The following PTPRD variants were observed in gnomAD, a reference collection of about 807,000 sequenced individuals.
The protein encoded by PTPRD is protein tyrosine phosphatase receptor type D, also known as receptor-type tyrosine-protein phosphatase delta.
PTPRD carries 34 observed loss-of-function variants against 214.5 expected under a neutral mutation model. That is an observed-to-expected ratio of 0.16 (90% confidence interval 0.12 to 0.21). The LOEUF (loss-of-function observed/expected upper bound fraction) is 0.21, where lower values mean the gene tolerates loss of function less well. PTPRD is among the 10% of genes least tolerant of loss of function. The pLI is 1.00. For missense variants in PTPRD, 2,545 were observed against 2,398.7 expected (o/e 1.06, Z -1.27); for synonymous variants, 1,128 against 845.7 (o/e 1.33, Z -5.79).
chr9:10,514,662 G>T (rs549521789), intron 2 of PTPRD, among the ~76,000 whole-genome samples: 27 of 151,020 alleles, frequency 1.8e-4, no homozygotes, highest in Admixed American at 3.3e-4. Context: ...TTTTCCTCTT[G>T]AGAATTTAAA....
chr9:8,760,631 G>C lies in PTPRD; in HGVS notation c.-103-26685C>G, dbSNP rs533247831. Among the ~76,000 whole-genome samples the C allele has an allele frequency of 1.8e-3, 267 of 150,228 alleles. 1 individual carries two copies. Among genetic ancestry groups the C allele is most frequent in the African/African-American group, 6.2e-3 (250 of 40,448 alleles). ...GTGTGTGTGTGTGTGTGTGTGTGGC[G>C]GTGGGGGGATGTATGCATGTTTTAT... is the stretch of plus-strand genomic sequence containing the variant. On this transcript the variant is annotated intron_variant, in intron 11 of 45. Coordinates refer to ENST00000381196, the MANE Select transcript of PTPRD (RefSeq NM_002839.4).
intron 4 of PTPRD, among the ~76,000 whole-genome samples, chr9:9,948,082 A>G (rs1204969703): frequency 6.6e-6 from 1 of 152,032 alleles, no homozygotes; most frequent in East Asian, 1.9e-4. Context: ...AGCTCAGAAC[A>G]TGAAGAGTAG....
intron 2 of PTPRD, among the ~76,000 whole-genome samples, chr9:10,521,140 C>A (rs1172843424): frequency 1.3e-5 from 2 of 151,828 alleles, no homozygotes; most frequent in East Asian, 3.9e-4. Flanking sequence ...TTCTAGATGC[C>A]ATTAAGAACA....
intron 9 of PTPRD, among the ~76,000 whole-genome samples, chr9:9,373,847 T>C (rs2060138593): frequency 6.6e-6 from 1 of 152,180 alleles, no homozygotes; most frequent in Admixed American, 6.6e-5. Flanking sequence ...CAGTGCTCTT[T>C]TACATTTTAT....
rs555772515 is a variant in PTPRD, at chr9:10,365,174, A to T, written c.-599-24157T>A. ...ACTTTCTCATGGCTCCCAGTTCTCCAATTATTCTTTGATACTCTCCTCAGA... is the reference window on the plus strand; with the variant it reads ...ACTTTCTCATGGCTCCCAGTTCTCCTATTATTCTTTGATACTCTCCTCAGA... On this transcript the variant is annotated intron_variant, in intron 2 of 45. Transcript: ENST00000381196. Among the ~76,000 whole-genome samples the T allele has an allele frequency of 2.6e-5, 4 of 152,216 alleles. No individual in the cohort carries two copies. The South Asian group carries it at 8.3e-4, about 32-fold the overall frequency.
intron 39 of PTPRD, among the ~76,000 whole-genome samples, chr9:8,363,170 A>C (rs894581206): frequency 1.3e-5 from 2 of 152,212 alleles, no homozygotes; most frequent in Admixed American, 1.3e-4. Context: ...GAGGCTTACC[A>C]TTGTGACCAT....
chr9:9,403,446 A>G (rs1425012130), intron 8 of PTPRD, among the ~76,000 whole-genome samples: 1 of 121,012 alleles, frequency 8.3e-6, no homozygotes, highest in Non-Finnish European at 1.8e-5. Flanking sequence ...CAGGAAGCAA[A>G]TCATATCCGA....
In PTPRD at chr9:9,700,182, T is replaced by A. The variant is rs578053806; in HGVS notation, c.-287+34351A>T. Among the ~76,000 whole-genome samples, 7 of 152,260 alleles carry A rather than the reference T, an allele frequency of 4.6e-5. No homozygotes were observed. The East Asian group carries it at 1.2e-3, about 25-fold the overall frequency. ...ATATATATTATGTGAATATCATCATTTTGTTGTAGTACTGCCCTTCGGAAA... is the reference window on the plus strand; with the variant it reads ...ATATATATTATGTGAATATCATCATATTGTTGTAGTACTGCCCTTCGGAAA... On this transcript the variant is annotated intron_variant, in intron 7 of 45. Coordinates refer to ENST00000381196, the MANE Select transcript of PTPRD (RefSeq NM_002839.4).
intron 2 of PTPRD, among the ~76,000 whole-genome samples, chr9:10,360,060 G>A (rs2097348761): frequency 6.6e-6 from 1 of 152,134 alleles, no homozygotes; most frequent in Admixed American, 6.5e-5. Flanking sequence ...CTTTTATTAA[G>A]AGAAATTGCA....
intron 8 of PTPRD, among the ~76,000 whole-genome samples, chr9:9,465,508 T>A (rs570107109): frequency 1.3e-5 from 2 of 152,262 alleles, no homozygotes; most frequent in South Asian, 2.1e-4. Flanking sequence ...GAGAGCAATA[T>A]AAATTTAAGT....
intron 2 of PTPRD, among the ~76,000 whole-genome samples, chr9:10,349,451 T>C (rs1261545740): frequency 6.6e-6 from 1 of 152,180 alleles, no homozygotes; most frequent in African/African-American, 2.4e-5. Context: ...CCATCTGTCA[T>C]ACCTAAATAA....
intron 7 of PTPRD, among the ~76,000 whole-genome samples, chr9:9,609,920 G>A (rs2094428160): frequency 6.6e-6 from 1 of 152,148 alleles, no homozygotes; most frequent in African/African-American, 2.4e-5. Context: ...GAACATTTAG[G>A]CTAATACTCC....
At chr9:9,237,318 A>G (rs1424344026) in intron 9 of PTPRD, among the ~76,000 whole-genome samples, 1 of 152,110 alleles carries the variant, frequency 6.6e-6, no homozygotes, top group Non-Finnish European at 1.5e-5. Context: ...TAATCCCAGT[A>G]CTTTGGGAGG....
intron 9 of PTPRD, among the ~76,000 whole-genome samples, chr9:9,230,395 C>T (rs1359590837): frequency 6.6e-6 from 1 of 152,110 alleles, no homozygotes; most frequent in Admixed American, 6.6e-5. Flanking sequence ...TCTCTTCCAT[C>T]TGGCTGTTCC....
intron 11 of PTPRD, among the ~76,000 whole-genome samples, chr9:8,768,496 T>A (rs528849650): frequency 1.8e-4 from 28 of 152,126 alleles, no homozygotes; most frequent in Admixed American, 1.8e-3. Flanking sequence ...GAGGCTGCAG[T>A]GAGCACAGAT....
chr9:9,626,159 G>T (rs1310282679), intron 7 of PTPRD, among the ~76,000 whole-genome samples: 2 of 152,156 alleles, frequency 1.3e-5, no homozygotes, highest in African/African-American at 2.4e-5. Flanking sequence ...TATCCAGGAA[G>T]TTTTCTTGCT....
At chr9:8,600,863 T>C (rs535402146) in intron 14 of PTPRD, among the ~76,000 whole-genome samples, 4 of 151,990 alleles carry the variant, frequency 2.6e-5, no homozygotes, top group Admixed American at 6.6e-5. Context: ...GAGAAACTGC[T>C]TCTGCTTGAG....
At chr9:8,616,833 T>C (rs574584908) in intron 14 of PTPRD, among the ~76,000 whole-genome samples, 9 of 152,114 alleles carry the variant, frequency 5.9e-5, no homozygotes, top group Non-Finnish European at 8.8e-5. Context: ...ATACTAATAA[T>C]TTAACTATGC....
chr9:10,094,642 T>C (rs1438444312), intron 3 of PTPRD, among the ~76,000 whole-genome samples: 2 of 150,012 alleles, frequency 1.3e-5, no homozygotes, highest in African/African-American at 4.9e-5. Context: ...TATGGAGACA[T>C]AGCATATCTA....
Sources: gnomAD v4.1 joint callset for allele counts (sites outside exome capture counted in the v4.1 genomes callset) on GRCh38, gnomAD v4.1.1 for gene constraint, MANE v1.5 for transcripts, NCBI Gene and HGNC (gene_info 2026-07-23, HGNC 2026-07-21) for gene names.